Variants in TRAM2 observed in about 807,000 individuals in gnomAD.
TRAM2 encodes translocation associated membrane protein 2.
TRAM2 carries 12 observed loss-of-function variants against 51.0 expected under a neutral mutation model. The ratio of observed to expected loss-of-function variants is 0.24; its 90% CI spans 0.15 to 0.38. The LOEUF (loss-of-function observed/expected upper bound fraction) is 0.38, where lower values mean the gene tolerates loss of function less well. Ranked by LOEUF, TRAM2 falls within the 10% of genes least tolerant of loss-of-function variation. TRAM2 has a pLI of 1.00. For missense variants in TRAM2, 361 were observed against 462.0 expected (o/e 0.78, Z 2.00); for synonymous variants, 175 against 179.4 (o/e 0.98, Z 0.20).
chr6:52,548,615 C>T (rs998391030), intron 1 of TRAM2, among the ~76,000 whole-genome samples: 1 of 152,230 alleles, frequency 6.6e-6, no homozygotes, highest in African/African-American at 2.4e-5. Context: ...GCAACACGCC[C>T]CAAGGCACAC....
Position 52,501,323 on chromosome 6 carries a change from C to A in TRAM2, c.*1874G>T, listed in dbSNP as rs1342607756. ...CTCCAATGGCGTTAGGAAACAAATCCCTCAGTTACTGGGAAGCTAAAATTT... is the reference window on the plus strand; with the variant it reads ...CTCCAATGGCGTTAGGAAACAAATCACTCAGTTACTGGGAAGCTAAAATTT... On this transcript the variant is annotated 3_prime_UTR_variant, in exon 11 of 11. Transcript: ENST00000182527. 6.6e-6 allele frequency: 1 copy of A among 152,122 alleles called. No homozygotes were observed. Among genetic ancestry groups the A allele is most frequent in the Admixed American group, 6.5e-5 (1 of 15,272 alleles). 9.4% of individuals were successfully genotyped at this position (152,122 alleles called of 1,614,324 possible). A position where few individuals can be genotyped will look rare whatever the true frequency, so the allele number is the denominator to read the frequency against.
chr6:52,542,308 G>A (rs1332660788), intron 1 of TRAM2, among the ~76,000 whole-genome samples: 1 of 150,376 alleles, frequency 6.6e-6, no homozygotes, highest in African/African-American at 2.5e-5. Flanking sequence ...TTTTTTCCTG[G>A]AGTGTTTATG....
chr6:52,534,198 A>T (rs1008402203), intron 2 of TRAM2, among the ~76,000 whole-genome samples: 3 of 151,862 alleles, frequency 2.0e-5, no homozygotes, highest in African/African-American at 7.3e-5. Flanking sequence ...CCTGACCAAA[A>T]TGGAGAAACC....
intron 1 of TRAM2, among the ~76,000 whole-genome samples, chr6:52,573,551 G>T (rs1767715057): frequency 1.3e-5 from 2 of 152,176 alleles, no homozygotes; most frequent in Non-Finnish European, 2.9e-5. Context: ...CCTGGGTTCA[G>T]GGGGGAAAAG....
chr6:52,515,933 A>G, intron 4 of TRAM2, 73 bp downstream of exon 4: 1 of 1,325,330 alleles, frequency 7.5e-7, no homozygotes, highest in East Asian at 2.3e-5. Context: ...CAGTCATTTG[A>G]TTAGCAATCC....
rs377250113 is a variant in TRAM2, at chr6:52,570,802, C to G, written c.120+5994G>C. ...CAATCCTCCCTGCCCACCACCCCCCCCCCCACACGCACACACACTCTGCCT... is the reference window on the plus strand; with the variant it reads ...CAATCCTCCCTGCCCACCACCCCCCGCCCCACACGCACACACACTCTGCCT... On this transcript the variant is annotated intron_variant, in intron 1 of 10. Transcript: ENST00000182527. Among the ~76,000 whole-genome samples the G allele has an allele frequency of 7.2e-4, 87 of 121,014 alleles. 1 individual carries two copies. Among genetic ancestry groups the G allele is most frequent in the African/African-American group, 2.5e-3 (82 of 32,934 alleles). The allele number at this position is 121,014 out of a possible 152,430, so 79.4% of individuals were successfully genotyped here. A position where few individuals can be genotyped will look rare whatever the true frequency, so the allele number is the denominator to read the frequency against.
intron 1 of TRAM2, among the ~76,000 whole-genome samples, chr6:52,544,524 G>A (rs79041659): frequency 0.017 from 2,594 of 152,292 alleles, 40 homozygotes; most frequent in East Asian, 0.085. Context: ...CTCTGTTACA[G>A]CAGTGCATCC....
chr6:52,533,362 C>T (rs758268053), intron 2 of TRAM2, among the ~76,000 whole-genome samples: 7 of 152,068 alleles, frequency 4.6e-5, no homozygotes, highest in Admixed American at 3.9e-4. Flanking sequence ...TAAATAAGCC[C>T]GGATTTGACT....
intron 1 of TRAM2, among the ~76,000 whole-genome samples, chr6:52,542,794 A>T (rs1767127469): frequency 6.6e-6 from 1 of 152,248 alleles, no homozygotes; most frequent in South Asian, 2.1e-4. Flanking sequence ...ACAGTCATTG[A>T]TTTAAAAGTC....
In TRAM2 at chr6:52,499,110, G is replaced by C. The variant is rs969938376; in HGVS notation, c.*4087C>G. 3 of 152,148 alleles carry C rather than the reference G, an allele frequency of 2.0e-5. No homozygotes were observed. Among genetic ancestry groups the C allele is most frequent in the African/African-American group, 7.2e-5 (3 of 41,420 alleles). 9.4% of individuals were successfully genotyped at this position (152,148 alleles called of 1,614,324 possible). A position where few individuals can be genotyped will look rare whatever the true frequency, so the allele number is the denominator to read the frequency against. On this transcript the variant is annotated 3_prime_UTR_variant, in exon 11 of 11. Transcript: ENST00000182527. The stretch of plus-strand genomic sequence containing the variant: ...TCATGTGAGTAGTGGGGTAGAGTGA[G>C]AAGTTGGTAAAGTCTTCCTCACTGG...
At chr6:52,524,490 A>G (rs9357739) in intron 2 of TRAM2, 32,513 of 151,706 alleles carry the variant, frequency 0.21, 3,639 homozygotes, top group Non-Finnish European at 0.26. Context: ...GCAGGGTGGG[A>G]ACAAGACTCT....
At chr6:52,507,948 T>C (rs922314798) in intron 6 of TRAM2, among the ~76,000 whole-genome samples, 1 of 152,162 alleles carries the variant, frequency 6.6e-6, no homozygotes, top group South Asian at 2.1e-4. Context: ...AAAAAAAGAC[T>C]ATGGAAATGG....
At chr6:52,525,752 G>A (rs1208523608) in intron 2 of TRAM2, among the ~76,000 whole-genome samples, 1 of 152,194 alleles carries the variant, frequency 6.6e-6, no homozygotes, top group Non-Finnish European at 1.5e-5. Context: ...AGGTTGCAGT[G>A]AGCCGAGATT....
intron 1 of TRAM2, among the ~76,000 whole-genome samples, chr6:52,557,435 T>C (rs1460695309): frequency 1.3e-5 from 2 of 152,304 alleles, no homozygotes; most frequent in Middle Eastern, 3.4e-3. Context: ...AAAAACTCAC[T>C]GAAGTAGGTA....
chr6:52,548,275 G>A (rs983534915), intron 1 of TRAM2, among the ~76,000 whole-genome samples: 3 of 152,138 alleles, frequency 2.0e-5, no homozygotes, highest in South Asian at 2.1e-4. Flanking sequence ...TCACGAAGAC[G>A]ATAAAACCAA....
intron 1 of TRAM2, among the ~76,000 whole-genome samples, chr6:52,549,954 T>C (rs1053978370): frequency 1.4e-4 from 21 of 152,128 alleles, no homozygotes; most frequent in African/African-American, 4.6e-4. Flanking sequence ...CAGTTTAGCT[T>C]TGCCACCCTT....
intron 2 of TRAM2, among the ~76,000 whole-genome samples, chr6:52,528,686 T>C (rs573575298): frequency 1.2e-3 from 188 of 152,258 alleles, no homozygotes; most frequent in African/African-American, 4.4e-3. Context: ...ACAGAGCAGA[T>C]GGTAGTAATA....
intron 1 of TRAM2, among the ~76,000 whole-genome samples, chr6:52,558,242 G>A (rs1371985307): frequency 6.6e-6 from 1 of 152,252 alleles, no homozygotes; most frequent in African/African-American, 2.4e-5. Flanking sequence ...CAATCAGCAA[G>A]TAGCCAAACC....
At chr6:52,532,261 T>A (rs1191343345) in intron 2 of TRAM2, among the ~76,000 whole-genome samples, 1 of 152,182 alleles carries the variant, frequency 6.6e-6, no homozygotes, top group Admixed American at 6.5e-5. Context: ...CACTTCAACT[T>A]TTTTGGTCTC....
Sources: allele counts gnomAD v4.1 joint callset (sites outside exome capture counted in the v4.1 genomes callset), GRCh38; gene constraint gnomAD v4.1.1; transcripts MANE v1.5; gene names NCBI Gene and HGNC (gene_info 2026-07-23, HGNC 2026-07-21).